MCRIP1: variants seen among roughly 807,000 people sequenced by gnomAD.
The protein encoded by MCRIP1 is MAPK regulated corepressor interacting protein 1, also known as mapk-regulated corepressor-interacting protein 1.
In MCRIP1, 10 loss-of-function variants were observed where a neutral mutation model predicts 14.4. The observed-to-expected ratio is 0.70, with a 90% CI of 0.43 to 1.18. The LOEUF is 1.18. MCRIP1 is among the 50% of genes most tolerant of loss of function. The probability of loss-of-function intolerance (pLI) is 0.00; values close to 1 mark genes in which losing one functional copy is unlikely to be tolerated. For missense variants in MCRIP1, 119 were observed against 135.4 expected (o/e 0.88, Z 0.60); for synonymous variants, 53 against 55.7 (o/e 0.95, Z 0.21).
chr17:81,823,729 T>A lies in MCRIP1; in HGVS notation c.128-216A>T, dbSNP rs1167186179. ...GCAGGCCTGTCCCTTCCCCGCAAGA[T>A]GACCAGGACTGTGGTCAGAGGGACC... On this transcript the variant is annotated intron_variant, in intron 3 of 4. Coordinates refer to ENST00000455127, the MANE Select transcript of MCRIP1 (RefSeq NM_207368.5). This position sits in a 1 kb window ranked among gnomAD's most constrained non-coding sequence, Gnocchi z 6.0. The A allele has an allele frequency of 6.6e-6, 4 of 602,108 alleles. No individual in the cohort carries two copies. The highest frequency in any genetic ancestry group is 5.6e-5 in the African/African-American group (3 of 53,798). 37.3% of individuals were successfully genotyped at this position (602,108 alleles called of 1,614,324 possible). A position where few individuals can be genotyped will look rare whatever the true frequency, so the allele number is the denominator to read the frequency against.
Position 81,824,492 on chromosome 17 carries a change from G to C in MCRIP1, c.8+7C>G. The C allele has an allele frequency of 6.5e-7, 1 of 1,536,262 alleles. No individual in the cohort carries two copies. The highest frequency in any genetic ancestry group is 8.7e-7 in the Non-Finnish European group (1 of 1,146,794). On this transcript the variant is annotated splice_region_variant and intron_variant, in intron 2 of 4. Transcript: ENST00000455127. ...GGTGGAGACCAGCCCACCTGCCTGA[G>C]ACCCACCTGGTCATCGCGGGGGCGT...
chr17:81,828,261 G>GC (rs1309342899), intron 1 of MCRIP1, among the ~76,000 whole-genome samples: 30 of 133,078 alleles, frequency 2.3e-4, no homozygotes, highest in African/African-American at 7.2e-4. Context: ...GCCTCACACT[G>GC]CCCCCCCACC....
chr17:81,830,956 A>T (rs1318534888), intron 1 of MCRIP1, among the ~76,000 whole-genome samples: 1 of 152,074 alleles, frequency 6.6e-6, no homozygotes, highest in Non-Finnish European at 1.5e-5. Flanking sequence ...ATCTGAGGTC[A>T]GGAGTTCGAG....
At chr17:81,829,561 G>A (rs2038478257) in intron 1 of MCRIP1, among the ~76,000 whole-genome samples, 1 of 152,230 alleles carries the variant, frequency 6.6e-6, no homozygotes, top group African/African-American at 2.4e-5. Flanking sequence ...AAACTGGGCT[G>A]CGCCTGACAA....
In MCRIP1 at chr17:81,824,414, G is replaced by T; in HGVS notation, c.9-9C>A. Reference sequence around the variant, plus strand: ...CTCTGGAGACGGGGGAGCTGGGGGAGCCTGGCGCATGAGACAGGGCACACA... The same window carrying T: ...CTCTGGAGACGGGGGAGCTGGGGGATCCTGGCGCATGAGACAGGGCACACA... On this transcript the variant is annotated splice_polypyrimidine_tract_variant and intron_variant, in intron 2 of 4. Coordinates refer to ENST00000455127, the MANE Select transcript of MCRIP1 (RefSeq NM_207368.5). 1 of 1,533,674 alleles carries T rather than the reference G, an allele frequency of 6.5e-7. No homozygotes were observed. Among genetic ancestry groups the T allele is most frequent in the South Asian group, 1.2e-5 (1 of 83,952 alleles).
At chr17:81,828,480 A>ATG (rs2038456461) in intron 1 of MCRIP1, among the ~76,000 whole-genome samples, 1 of 152,082 alleles carries the variant, frequency 6.6e-6, no homozygotes, top group Non-Finnish European at 1.5e-5. Flanking sequence ...TGCACAACCT[A>ATG]TGACCCAGCC....
chr17:81,823,608 G>T lies in MCRIP1; in HGVS notation c.128-95C>A. ...CCTGCCCTCAGCTCCTGCCCTCCCA[G>T]ATCCTCTTCTCCCTCAGAAGTGTCC... On this transcript the variant is annotated intron_variant, in intron 3 of 4. Transcript: ENST00000455127. The surrounding 1 kb of genome is among the most constrained non-coding windows in gnomAD (Gnocchi z 6.0). 1 of 1,012,044 alleles carries T rather than the reference G, an allele frequency of 9.9e-7. No homozygotes were observed. The highest frequency in any genetic ancestry group is 1.5e-6 in the Non-Finnish European group (1 of 681,030). The allele number at this position is 1,012,044 out of a possible 1,614,324, so 62.7% of individuals were successfully genotyped here. A position where few individuals can be genotyped will look rare whatever the true frequency, so the allele number is the denominator to read the frequency against.
chr17:81,831,540 AG>A, intron 1 of MCRIP1, among the ~76,000 whole-genome samples: 1 of 152,278 alleles, frequency 6.6e-6, no homozygotes, highest in South Asian at 2.1e-4. Flanking sequence ...GGGGACTGAA[AG>A]AAGAGACTGC....
rs1270295355 is a variant in MCRIP1, at chr17:81,823,290, C to T, written c.251G>A (p.Ser84Asn). 3 of 1,536,984 alleles carry T rather than the reference C, an allele frequency of 2.0e-6. No individual in the cohort carries two copies. In the Admixed American group the frequency reaches 5.9e-5, roughly 30 times the overall value. Residue 84 changes from serine to asparagine, a missense_variant, in exon 5 of 5, where the codon AGT becomes AAT. By Grantham distance (46) the Ser-to-Asn change is conservative (BLOSUM62 1). Coordinates refer to ENST00000455127, the MANE Select transcript of MCRIP1 (RefSeq NM_207368.5). This position sits in a 1 kb window ranked among gnomAD's most constrained non-coding sequence, Gnocchi z 6.0. ...CTGCGTGCTCCGGCGCTTCAGGTCA[C>T]TCAGGTCGATGGGCTTGAAGGCTGC... ...SLKTFKPIDL[S>N]DLKRRSTQDA...
chr17:81,825,563 T>G (rs1433795673), intron 1 of MCRIP1: 23 of 1,287,916 alleles, frequency 1.8e-5, no homozygotes, highest in Middle Eastern at 2.1e-4. Context: ...CCAGGAGCAC[T>G]GAGGCTTCGA....
chr17:81,825,117 A>G, intron 1 of MCRIP1: 1 of 1,015,520 alleles, frequency 9.8e-7, no homozygotes, highest in Non-Finnish European at 1.2e-6. Flanking sequence ...CTGGTTCCCT[A>G]GAGCATGAGC....
Position 81,833,290 on chromosome 17 carries a change from G to A in MCRIP1, c.-101C>T, listed in dbSNP as rs2038563582. On this transcript the variant is annotated 5_prime_UTR_variant, in exon 1 of 5. Coordinates refer to ENST00000455127, the MANE Select transcript of MCRIP1 (RefSeq NM_207368.5). ...TTCCAGCTGGGAGGCCCCGCCGGAA[G>A]TGACGCCACCGCGGGCTGCACAGGC... 3 of 152,900 alleles carry A rather than the reference G, an allele frequency of 2.0e-5. No individual in the cohort carries two copies. The highest frequency in any genetic ancestry group is 7.2e-5 in the African/African-American group (3 of 41,542). 9.5% of individuals were successfully genotyped at this position (152,900 alleles called of 1,614,324 possible).
Position 81,823,681 on chromosome 17 carries a change from C to T in MCRIP1, c.128-168G>A, listed in dbSNP as rs1299267659. 3.2e-6 allele frequency: 2 copies of T among 631,052 alleles called. No homozygotes were observed. Among genetic ancestry groups the T allele is most frequent in the East Asian group, 2.7e-5 (1 of 36,626 alleles). The allele number at this position is 631,052 out of a possible 1,614,324, so 39.1% of individuals were successfully genotyped here. Reference sequence around the variant, plus strand: ...TGCCCACCCCAGCCTCACTCACCTGCAGACCCCGTCCCCGCTCCTCTGGCA... The same window carrying T: ...TGCCCACCCCAGCCTCACTCACCTGTAGACCCCGTCCCCGCTCCTCTGGCA... On this transcript the variant is annotated intron_variant, in intron 3 of 4. Transcript: ENST00000455127. The surrounding 1 kb of genome is among the most constrained non-coding windows in gnomAD (Gnocchi z 6.0).
chr17:81,824,460 CCG>C, intron 2 of MCRIP1, 37 bp downstream of exon 2: 1 of 1,534,248 alleles, frequency 6.5e-7, no homozygotes, highest in South Asian at 1.2e-5. Context: ...AGCCCACAAC[CCG>C]CCCCGGTGGA....
chr17:81,826,429 G>A, intron 1 of MCRIP1: 2 of 1,506,326 alleles, frequency 1.3e-6, no homozygotes, highest in Middle Eastern at 1.7e-4. Context: ...AGGCTGGGGT[G>A]GGAGGACTGC....
intron 1 of MCRIP1, among the ~76,000 whole-genome samples, chr17:81,832,966 C>G (rs1220128827): frequency 2.6e-5 from 4 of 152,080 alleles, no homozygotes; most frequent in Non-Finnish European, 5.9e-5. Flanking sequence ...GTCCCCGGCA[C>G]CTGCCCCTGC....
rs777935601 is a variant in MCRIP1, at chr17:81,823,546, C to T, written c.128-33G>A. 1.5e-5 allele frequency: 23 copies of T among 1,525,554 alleles called. No individual in the cohort carries two copies. The highest frequency in any genetic ancestry group is 8.8e-7 in the Non-Finnish European group (1 of 1,138,282). The allele number at this position is 1,525,554 out of a possible 1,614,324, so 94.5% of individuals were successfully genotyped here. A position where few individuals can be genotyped will look rare whatever the true frequency, so the allele number is the denominator to read the frequency against. On this transcript the variant is annotated intron_variant, in intron 3 of 4. Coordinates refer to ENST00000455127, the MANE Select transcript of MCRIP1 (RefSeq NM_207368.5). This position sits in a 1 kb window ranked among gnomAD's most constrained non-coding sequence, Gnocchi z 6.0. The stretch of plus-strand genomic sequence containing the variant: ...GGCAGAGAGTGGTGTGCTCAGGGCC[C>T]CCTGCCCCAGGGGGTGGCATCCACG...
chr17:81,829,127 G>C (rs2038468359), intron 1 of MCRIP1, among the ~76,000 whole-genome samples: 1 of 152,188 alleles, frequency 6.6e-6, no homozygotes, highest in Non-Finnish European at 1.5e-5. Flanking sequence ...GAAGCGCCGG[G>C]GGCAGCCGGA....
Position 81,823,544 on chromosome 17 carries a change from C to T in MCRIP1, c.128-31G>A, listed in dbSNP as rs1043108320. On this transcript the variant is annotated intron_variant, in intron 3 of 4. Transcript: ENST00000455127. This position sits in a 1 kb window ranked among gnomAD's most constrained non-coding sequence, Gnocchi z 6.0. ...GAGGCAGAGAGTGGTGTGCTCAGGG[C>T]CCCCTGCCCCAGGGGGTGGCATCCA... 23 of 1,522,572 alleles carry T rather than the reference C, an allele frequency of 1.5e-5. No homozygotes were observed. The East Asian group carries it at 5.6e-4, about 37-fold the overall frequency. The allele number at this position is 1,522,572 out of a possible 1,614,324, so 94.3% of individuals were successfully genotyped here.
Sources: gnomAD v4.1 joint callset for allele counts (sites outside exome capture counted in the v4.1 genomes callset) on GRCh38, gnomAD v4.1.1 for gene constraint, Gnocchi (gnomAD v3.1) non-coding constraint, MANE v1.5 for transcripts, NCBI Gene and HGNC (gene_info 2026-07-23, HGNC 2026-07-21) for gene names.